Variants in CNTNAP2 observed in about 807,000 individuals in gnomAD.
CNTNAP2 encodes the protein contactin-associated protein-like 2.
A neutral mutation model predicts 155.2 loss-of-function variants in CNTNAP2; 98 were observed. That is an observed-to-expected ratio of 0.63 (90% CI 0.54 to 0.75). The LOEUF (loss-of-function observed/expected upper bound fraction) is 0.75, where lower values mean the gene tolerates loss of function less well. Ranked by LOEUF, CNTNAP2 falls within the 30% of genes least tolerant of loss-of-function variation. CNTNAP2 has a pLI of 0.00. For missense variants in CNTNAP2, 1,727 were observed against 1,688.1 expected, an observed-to-expected ratio of 1.02 and a Z score of -0.40; for synonymous variants, 651 against 631.2, an observed-to-expected ratio of 1.03 and a Z score of -0.47.
chr7:147,304,476 A>G (rs575928104), intron 9 of CNTNAP2, among the ~76,000 whole-genome samples: 34 of 152,172 alleles, frequency 2.2e-4, no homozygotes, highest in African/African-American at 7.7e-4. Flanking sequence ...AAATTTCTAA[A>G]TTTTCTTTGT....
chr7:146,829,381 T>C (rs960073873), intron 2 of CNTNAP2, among the ~76,000 whole-genome samples: 7 of 152,016 alleles, frequency 4.6e-5, no homozygotes, highest in South Asian at 4.1e-4. Flanking sequence ...TGCAGAACCA[T>C]TGAAGGAACA....
chr7:147,609,749 C>G (rs750616856), intron 12 of CNTNAP2, among the ~76,000 whole-genome samples: 7 of 152,050 alleles, frequency 4.6e-5, no homozygotes, highest in Non-Finnish European at 7.4e-5. Context: ...GGAGAAAAGA[C>G]ACACAAATTT....
chr7:147,368,266 G>T (rs998772574), intron 9 of CNTNAP2, among the ~76,000 whole-genome samples: 2 of 151,836 alleles, frequency 1.3e-5, no homozygotes, highest in African/African-American at 2.4e-5. Context: ...CAGGTTCAGG[G>T]TCATTCTGGA....
intron 1 of CNTNAP2, among the ~76,000 whole-genome samples, chr7:146,621,768 C>G (rs1799321492): frequency 6.6e-6 from 1 of 152,088 alleles, no homozygotes; most frequent in African/African-American, 2.4e-5. Flanking sequence ...TCTTTCCATA[C>G]TGTAGTATTG....
intron 14 of CNTNAP2, among the ~76,000 whole-genome samples, chr7:147,956,042 T>G (rs965558030): frequency 6.6e-6 from 1 of 152,154 alleles, no homozygotes; most frequent in Non-Finnish European, 1.5e-5. Flanking sequence ...ATTCCAGAAT[T>G]TATAGCTTAC....
chr7:147,417,730 A>G (rs963252979), intron 10 of CNTNAP2, among the ~76,000 whole-genome samples: 2 of 152,200 alleles, frequency 1.3e-5, no homozygotes, highest in African/African-American at 2.4e-5. Context: ...ATTGTTCCTT[A>G]AAAGCAACAC....
At chr7:147,065,120 T>G (rs1402528680) in intron 4 of CNTNAP2, among the ~76,000 whole-genome samples, 1 of 152,180 alleles carries the variant, frequency 6.6e-6, no homozygotes, top group Non-Finnish European at 1.5e-5. Context: ...CCTGTCCAAA[T>G]TCCAGCTCTT....
intron 20 of CNTNAP2, among the ~76,000 whole-genome samples, chr7:148,235,166 A>G (rs772930274): frequency 2.6e-5 from 4 of 152,268 alleles, no homozygotes; most frequent in Non-Finnish European, 5.9e-5. Context: ...CTTTAAAATA[A>G]TATAAGCACG....
At chr7:146,708,291 T>C (rs1801001300) in intron 1 of CNTNAP2, among the ~76,000 whole-genome samples, 1 of 152,084 alleles carries the variant, frequency 6.6e-6, no homozygotes, top group Admixed American at 6.6e-5. Flanking sequence ...AAGGAGGCCT[T>C]CAATGATACA....
intron 8 of CNTNAP2, among the ~76,000 whole-genome samples, chr7:147,156,106 G>A (rs1801921497): frequency 6.6e-6 from 1 of 152,244 alleles, no homozygotes; most frequent in African/African-American, 2.4e-5. Context: ...AGAGTGTAAT[G>A]CAGAGCCAGC....
intron 12 of CNTNAP2, among the ~76,000 whole-genome samples, chr7:147,566,894 T>C (rs1318956706): frequency 9.9e-5 from 15 of 152,160 alleles, no homozygotes; most frequent in Non-Finnish European, 2.1e-4. Context: ...AGAAAAAGTG[T>C]CTGAGAGCAT....
intron 1 of CNTNAP2, among the ~76,000 whole-genome samples, chr7:146,722,580 C>T (rs1206350434): frequency 6.6e-6 from 1 of 152,052 alleles, no homozygotes; most frequent in African/African-American, 2.4e-5. Flanking sequence ...AATGAAAACT[C>T]CTTGGCCCAG....
intron 1 of CNTNAP2, among the ~76,000 whole-genome samples, chr7:146,553,324 A>G (rs1256471719): frequency 1.3e-5 from 2 of 152,008 alleles, no homozygotes; most frequent in Non-Finnish European, 2.9e-5. Flanking sequence ...TATAATCTAT[A>G]TATTGGATTG....
In CNTNAP2 at chr7:146,589,179, GAAAGTGGAGTGTAGGTAGGCTTACTATAC is replaced by G. The variant is rs574244393; in HGVS notation, c.98-185063_98-185035del. ...GCATTATTGCTGTAAGAATGCTATT[GAAAGTGGAGTGTAGGTAGGCTTACTATAC>G]AAAGTGGAGTGTAGGTAGGCTTACT... On this transcript the variant is annotated intron_variant, in intron 1 of 23. Coordinates refer to ENST00000361727, the MANE Select transcript of CNTNAP2 (RefSeq NM_014141.6). Among the ~76,000 whole-genome samples, 1,150 of 152,198 alleles carry G rather than the reference GAAAGTGGAGTGTAGGTAGGCTTACTATAC, an allele frequency of 7.6e-3. 6 individuals are homozygous for G. The highest frequency in any genetic ancestry group is 0.011 in the Non-Finnish European group (770 of 68,012).
intron 10 of CNTNAP2, among the ~76,000 whole-genome samples, chr7:147,403,941 T>C (rs960170455): frequency 6.6e-6 from 1 of 152,196 alleles, no homozygotes. Context: ...ACCTCCTTTT[T>C]TCATACATTT....
chr7:147,331,500 T>C (rs6977027), intron 9 of CNTNAP2, among the ~76,000 whole-genome samples: 29,704 of 151,856 alleles, frequency 0.2, 3,169 homozygotes, highest in East Asian at 0.36. Context: ...GTGGCAACAA[T>C]AGTCAAAACT....
chr7:147,407,600 A>G (rs1033432697), intron 10 of CNTNAP2, among the ~76,000 whole-genome samples: 1 of 152,084 alleles, frequency 6.6e-6, no homozygotes, highest in Non-Finnish European at 1.5e-5. Flanking sequence ...GTACTAAACT[A>G]CACAATGAGA....
At chr7:147,062,417 G>A (rs528853371) in intron 4 of CNTNAP2, among the ~76,000 whole-genome samples, 2 of 151,916 alleles carry the variant, frequency 1.3e-5, no homozygotes, top group South Asian at 4.2e-4. Context: ...GATTATTTGT[G>A]GTAACCATAT....
At chr7:148,370,330 C>G (rs1254184936) in intron 21 of CNTNAP2, among the ~76,000 whole-genome samples, 1 of 152,178 alleles carries the variant, frequency 6.6e-6, no homozygotes, top group African/African-American at 2.4e-5. Flanking sequence ...GAGCTCTGGT[C>G]TCCGGTTCCT....
Sources: allele counts gnomAD v4.1 joint callset (sites outside exome capture counted in the v4.1 genomes callset), GRCh38; gene constraint gnomAD v4.1.1; transcripts MANE v1.5; gene names NCBI Gene and HGNC (gene_info 2026-07-23, HGNC 2026-07-21).